Variants in NDFIP2 observed in about 807,000 individuals in gnomAD.
NDFIP2 encodes the protein Nedd4 family interacting protein 2, also known as NEDD4 family-interacting protein 2.
A neutral mutation model predicts 36.0 loss-of-function variants in NDFIP2; 19 were observed. That is an observed-to-expected ratio of 0.53 (90% CI 0.37 to 0.77). NDFIP2 has a LOEUF of 0.77. Ranked by LOEUF, NDFIP2 falls within the 30% of genes least tolerant of loss-of-function variation. The pLI, the probability that NDFIP2 is intolerant of heterozygous loss-of-function variation, is 0.00. For missense variants in NDFIP2, 446 were observed against 435.8 expected (o/e 1.02, Z -0.21); for synonymous variants, 181 against 167.7 (o/e 1.08, Z -0.61).
In NDFIP2 at chr13:79,504,357, A is replaced by G. The variant is rs566525277; in HGVS notation, c.322-16453A>G. Among the ~76,000 whole-genome samples, 406 of 152,138 alleles carry G rather than the reference A, an allele frequency of 2.7e-3. 3 individuals carry two copies. Among genetic ancestry groups the G allele is most frequent in the African/African-American group, 9.4e-3 (389 of 41,522 alleles). On this transcript the variant is annotated intron_variant, in intron 1 of 7. Coordinates refer to ENST00000218652, the MANE Select transcript of NDFIP2 (RefSeq NM_019080.3). ...TTTACCTGTATTTGTATATAAGTAC[A>G]TTTTTTCTTGAAACATTTTAAAGTA...
intron 1 of NDFIP2, among the ~76,000 whole-genome samples, chr13:79,504,506 T>C (rs1359446074): frequency 6.6e-6 from 1 of 152,198 alleles, no homozygotes; most frequent in South Asian, 2.1e-4. Context: ...ATTAAACATA[T>C]TTCACCAGTT....
intron 6 of NDFIP2, among the ~76,000 whole-genome samples, chr13:79,549,665 T>C (rs1875824142): frequency 6.6e-6 from 1 of 151,934 alleles, no homozygotes; most frequent in Admixed American, 6.6e-5. Flanking sequence ...GGTGGCTTCT[T>C]TTAGAAAATG....
intron 1 of NDFIP2, among the ~76,000 whole-genome samples, chr13:79,487,666 A>G (rs986902960): frequency 4.6e-5 from 7 of 152,188 alleles, no homozygotes; most frequent in Non-Finnish European, 5.9e-5. Context: ...CCATCAATGT[A>G]TGAAGTTTTG....
Position 79,481,405 on chromosome 13 carries a change from A to G in NDFIP2, c.202A>G (p.Thr68Ala), listed in dbSNP as rs1307423789. The G allele has an allele frequency of 3.2e-6, 5 of 1,556,044 alleles. No homozygotes were observed. The East Asian group carries it at 1.2e-4, about 37-fold the overall frequency. Residue 68 changes from threonine (T) to alanine (A), a missense_variant, in exon 1 of 8, where the codon ACG becomes GCG. Physicochemically the swap from Thr to Ala is moderately conservative, Grantham distance 58. Transcript: ENST00000218652. Reference protein sequence around the residue: ...NGGGRGPAATTSSTGVAVGAE... With the variant: ...NGGGRGPAATASSTGVAVGAE... ...AGGCGGAAGGGGCCCTGCGGCGACG[A>G]CGTCGTCGACGGGGGTGGCCGTGGG...
At chr13:79,512,968 T>G (rs182646621) in intron 1 of NDFIP2, among the ~76,000 whole-genome samples, 1 of 152,342 alleles carries the variant, frequency 6.6e-6, no homozygotes, top group East Asian at 1.9e-4. Context: ...TGTTGTCATT[T>G]TATTAAAACA....
Position 79,481,323 on chromosome 13 carries a change from T to C in NDFIP2, c.120T>C (p.Ala40=), listed in dbSNP as rs1300444494. Residue 40 remains alanine, a synonymous_variant, in exon 1 of 8, where the codon GCT becomes GCC. Coordinates refer to ENST00000218652, the MANE Select transcript of NDFIP2 (RefSeq NM_019080.3). ...CCAACGCGGAGGTCTCGGCGGCCGC[T>C]GCGGGAGCCACAGGAAGTGAAGAGC... is the stretch of plus-strand genomic sequence containing the variant. ...TATNAEVSAA[A]AGATGSEELP... 7 of 1,543,878 alleles carry C rather than the reference T, an allele frequency of 4.5e-6. No homozygotes were observed. Among genetic ancestry groups the C allele is most frequent in the South Asian group, 1.2e-5 (1 of 84,016 alleles).
In NDFIP2 at chr13:79,494,729, G is replaced by A. The variant is rs1873373452; in HGVS notation, c.321+13205G>A. ...TGTTTACTCTTTCATTTTGGTGGAA[G>A]ATGTTTTCCAGTAGGTTCCTAAGAA... On this transcript the variant is annotated intron_variant, in intron 1 of 7. Transcript: ENST00000218652. Among the ~76,000 whole-genome samples the A allele has an allele frequency of 3.9e-5, 6 of 152,072 alleles. No homozygotes were observed. In the South Asian group the frequency reaches 1.2e-3, roughly 31 times the overall value.
chr13:79,551,875 T>G (rs1035692400), intron 7 of NDFIP2, among the ~76,000 whole-genome samples: 2 of 151,376 alleles, frequency 1.3e-5, no homozygotes, highest in Non-Finnish European at 3.0e-5. Context: ...ATAAATAAGG[T>G]AAACTTATAA....
Position 79,534,607 on chromosome 13 carries a change from T to A in NDFIP2, c.621+1151T>A, listed in dbSNP as rs79711547. On this transcript the variant is annotated intron_variant, in intron 3 of 7. Transcript: ENST00000218652. ...AGTGTGGCTGCAAGGAGGGCTAGAA[T>A]TTTTTGCCTTTTTTTTCTTGCTTCA... Among the ~76,000 whole-genome samples the A allele has an allele frequency of 4.4e-3, 673 of 152,190 alleles. 9 individuals carry two copies. Among genetic ancestry groups the A allele is most frequent in the African/African-American group, 0.014 (602 of 41,538 alleles).
At chr13:79,535,048 A>G (rs1373990393) in intron 3 of NDFIP2, among the ~76,000 whole-genome samples, 1 of 152,210 alleles carries the variant, frequency 6.6e-6, no homozygotes, top group African/African-American at 2.4e-5. Context: ...AGCTGAGTCA[A>G]TAAGAATTTT....
At chr13:79,539,932 A>T (rs902463890) in intron 4 of NDFIP2, among the ~76,000 whole-genome samples, 157 bp downstream of exon 4, 2 of 152,370 alleles carry the variant, frequency 1.3e-5, no homozygotes, top group South Asian at 4.1e-4. Flanking sequence ...TACTGTGATC[A>T]TATGTTTAAA....
chr13:79,546,091 A>G (rs898992925), intron 5 of NDFIP2, among the ~76,000 whole-genome samples: 2 of 152,064 alleles, frequency 1.3e-5, no homozygotes, highest in Non-Finnish European at 2.9e-5. Context: ...CTATTTTCCT[A>G]TTTCTGTACT....
intron 2 of NDFIP2, among the ~76,000 whole-genome samples, chr13:79,530,768 C>T (rs1292088734): frequency 6.6e-6 from 1 of 152,200 alleles, no homozygotes; most frequent in East Asian, 1.9e-4. Context: ...TTTCAGGCCT[C>T]ACTTCTGATT....
intron 3 of NDFIP2, among the ~76,000 whole-genome samples, chr13:79,536,569 A>G (rs75468584): frequency 0.023 from 3,488 of 152,266 alleles, 128 homozygotes; most frequent in African/African-American, 0.08. Flanking sequence ...TATTGCCTAG[A>G]TACCATTTTA....
At chr13:79,552,230 T>C (rs894458203) in intron 7 of NDFIP2, among the ~76,000 whole-genome samples, 3 of 151,348 alleles carry the variant, frequency 2.0e-5, no homozygotes, top group Non-Finnish European at 4.5e-5. Flanking sequence ...TAAGAATTTG[T>C]CAGTATTAAT....
intron 1 of NDFIP2, among the ~76,000 whole-genome samples, chr13:79,489,621 C>G (rs1873148615): frequency 6.6e-6 from 1 of 152,152 alleles, no homozygotes; most frequent in Admixed American, 6.5e-5. Flanking sequence ...ACTCCATCCA[C>G]TCTTAAGTTG....
intron 6 of NDFIP2, among the ~76,000 whole-genome samples, 196 bp downstream of exon 6, chr13:79,548,590 A>T (rs1185123418): frequency 1.3e-5 from 2 of 152,084 alleles, no homozygotes; most frequent in Admixed American, 6.6e-5. Context: ...AGAGGCTATC[A>T]GTGTAAAGAG....
In NDFIP2 at chr13:79,555,603, T is replaced by A. The variant is rs1876082781; in HGVS notation, c.*3090T>A. On this transcript the variant is annotated 3_prime_UTR_variant, in exon 8 of 8. Coordinates refer to ENST00000218652, the MANE Select transcript of NDFIP2 (RefSeq NM_019080.3). ...TTTTTTAATAGTTGTATTTGAATGATTCCAGCTTATCGTAAATACTAAACT... is the reference window on the plus strand; with the variant it reads ...TTTTTTAATAGTTGTATTTGAATGAATCCAGCTTATCGTAAATACTAAACT... 1 of 152,060 alleles carries A rather than the reference T, an allele frequency of 6.6e-6. No individual in the cohort carries two copies. The highest frequency in any genetic ancestry group is 2.4e-5 in the African/African-American group (1 of 41,418). 9.4% of individuals were successfully genotyped at this position (152,060 alleles called of 1,614,324 possible).
intron 1 of NDFIP2, among the ~76,000 whole-genome samples, chr13:79,520,429 G>A (rs1874525243): frequency 6.6e-6 from 1 of 152,130 alleles, no homozygotes. Context: ...CAGAAACCTT[G>A]GAGTCTTCTT....
Sources: allele counts gnomAD v4.1 joint callset (sites outside exome capture counted in the v4.1 genomes callset), GRCh38; gene constraint gnomAD v4.1.1; transcripts MANE v1.5; gene names NCBI Gene and HGNC (gene_info 2026-07-23, HGNC 2026-07-21).